Variants in RNGTT observed in about 807,000 individuals in gnomAD.
RNGTT encodes the protein mRNA-capping enzyme.
In RNGTT, 33 loss-of-function variants were observed where a neutral mutation model predicts 79.3. The observed-to-expected ratio is 0.42, with a 90% CI of 0.32 to 0.56. The LOEUF (loss-of-function observed/expected upper bound fraction) is 0.56. RNGTT is among the 20% of genes least tolerant of loss of function. The pLI is 0.17. For synonymous variants in RNGTT, 222 were observed against 235.9 expected, an observed-to-expected ratio of 0.94 and a Z score of 0.54; for missense variants, 497 against 739.1, an observed-to-expected ratio of 0.67 and a Z score of 3.80.
chr6:88,895,386 A>T (rs1176160682), intron 6 of RNGTT, among the ~76,000 whole-genome samples: 1 of 152,162 alleles, frequency 6.6e-6, no homozygotes, highest in Non-Finnish European at 1.5e-5. Context: ...AGGAGTAAGC[A>T]ACATACCTGT....
chr6:88,629,967 G>T (rs1772786685), intron 14 of RNGTT, among the ~76,000 whole-genome samples: 1 of 152,086 alleles, frequency 6.6e-6, no homozygotes, highest in African/African-American at 2.4e-5. Context: ...CTGACTATAA[G>T]AAATCACCAT....
chr6:88,670,951 C>G (rs1437395269), intron 14 of RNGTT, among the ~76,000 whole-genome samples: 1 of 152,126 alleles, frequency 6.6e-6, no homozygotes, highest in Non-Finnish European at 1.5e-5. Context: ...TCCTGCTACA[C>G]CTTCAGGTAC....
Position 88,666,125 on chromosome 6 carries a change from G to A in RNGTT, c.1506+12228C>T, listed in dbSNP as rs190918276. 2.0e-3 allele frequency among the ~76,000 whole-genome samples: 301 copies of A among 152,218 alleles called. 4 individuals carry two copies. Among genetic ancestry groups the A allele is most frequent in the African/African-American group, 7.1e-3 (293 of 41,538 alleles). ...AAACCTCTGGTACCAAGTTACAAAG[G>A]GGGGTGACATGGAACCATTTGAATG... On this transcript the variant is annotated intron_variant, in intron 14 of 15. Coordinates refer to ENST00000369485, the MANE Select transcript of RNGTT (RefSeq NM_003800.5).
intron 13 of RNGTT, among the ~76,000 whole-genome samples, chr6:88,713,334 T>A (rs1181458580): frequency 1.3e-5 from 2 of 152,150 alleles, no homozygotes; most frequent in Admixed American, 1.3e-4. Flanking sequence ...TCTAAAACTA[T>A]GAAAAGTAGG....
At chr6:88,774,551 A>G (rs940414447) in intron 12 of RNGTT, among the ~76,000 whole-genome samples, 2 of 152,206 alleles carry the variant, frequency 1.3e-5, no homozygotes, top group Non-Finnish European at 2.9e-5. Flanking sequence ...CTTCACAAAA[A>G]TTAAAAGGTA....
chr6:88,659,948 T>A (rs891531107), intron 14 of RNGTT, among the ~76,000 whole-genome samples: 2 of 152,134 alleles, frequency 1.3e-5, no homozygotes, highest in African/African-American at 4.8e-5. Flanking sequence ...GATTAACAGC[T>A]CATTTCTCAG....
intron 11 of RNGTT, among the ~76,000 whole-genome samples, chr6:88,806,009 C>G (rs1779941382): frequency 6.6e-6 from 1 of 152,286 alleles, no homozygotes. Context: ...ACCACTACCC[C>G]TCCCCACCCA....
In RNGTT at chr6:88,825,499, C is replaced by T. The variant is rs1045419664; in HGVS notation, c.1269+18858G>A. ...AACAAAATTTTGGTAGCATTCTAAA[C>T]ATCTAATCAGAGATACTAACTTGAA... On this transcript the variant is annotated intron_variant, in intron 11 of 15. Coordinates refer to ENST00000369485, the MANE Select transcript of RNGTT (RefSeq NM_003800.5). Among the ~76,000 whole-genome samples, 10 of 152,324 alleles carry T rather than the reference C, an allele frequency of 6.6e-5. No individual in the cohort carries two copies. In the East Asian group the frequency reaches 1.5e-3, roughly 23 times the overall value.
In RNGTT at chr6:88,791,689, A is replaced by G. The variant is rs536284064; in HGVS notation, c.1338+9875T>C. Among the ~76,000 whole-genome samples the G allele has an allele frequency of 5.3e-3, 800 of 151,890 alleles. 5 individuals carry two copies. The highest frequency in any genetic ancestry group is 0.017 in the African/African-American group (704 of 41,428). Reference sequence around the variant, plus strand: ...TGAGTAGCTGGGACCACAGGCGCCCACCACCACACCCGGCTAATTTTTTGT... The same window carrying G: ...TGAGTAGCTGGGACCACAGGCGCCCGCCACCACACCCGGCTAATTTTTTGT... On this transcript the variant is annotated intron_variant, in intron 12 of 15. Transcript: ENST00000369485.
intron 12 of RNGTT, 55 bp downstream of exon 12, chr6:88,801,509 T>A (rs1187842665): frequency 7.4e-7 from 1 of 1,355,378 alleles, no homozygotes; most frequent in African/African-American, 1.4e-5. Flanking sequence ...TATATCTGTG[T>A]ACACACACAC....
intron 12 of RNGTT, among the ~76,000 whole-genome samples, chr6:88,771,544 T>A (rs374129857): frequency 1.3e-5 from 2 of 151,850 alleles, no homozygotes; most frequent in East Asian, 1.9e-4. Flanking sequence ...CATTTCCACA[T>A]ACATTTTAAA....
chr6:88,677,166 C>T (rs553800524), intron 14 of RNGTT, among the ~76,000 whole-genome samples: 10 of 151,158 alleles, frequency 6.6e-5, no homozygotes, highest in Admixed American at 1.3e-4. Context: ...GCTGAGTGAA[C>T]GAAGGCAAAA....
intron 13 of RNGTT, among the ~76,000 whole-genome samples, chr6:88,760,891 C>A (rs1196895527): frequency 1.4e-5 from 2 of 148,006 alleles, no homozygotes; most frequent in African/African-American, 5.0e-5. Context: ...TTTTTTTTCC[C>A]AGAGATGAGA....
At chr6:88,734,083 A>G (rs988373063) in intron 13 of RNGTT, among the ~76,000 whole-genome samples, 5 of 152,162 alleles carry the variant, frequency 3.3e-5, no homozygotes, top group African/African-American at 1.2e-4. Context: ...GTCAGAAGTA[A>G]ATAACTGTCT....
chr6:88,698,278 AT>A (rs1378485060), intron 13 of RNGTT, among the ~76,000 whole-genome samples: 2 of 120,756 alleles, frequency 1.7e-5, no homozygotes, highest in Admixed American at 8.8e-5. Context: ...TGATATATAT[AT>A]TTCATATATA....
At chr6:88,759,416 C>T (rs145451442) in intron 13 of RNGTT, among the ~76,000 whole-genome samples, 5 of 152,234 alleles carry the variant, frequency 3.3e-5, no homozygotes, top group South Asian at 4.2e-4. Flanking sequence ...CCAAAATCTT[C>T]GTGCTGGATA....
At chr6:88,800,706 C>G (rs1323206325) in intron 12 of RNGTT, among the ~76,000 whole-genome samples, 1 of 152,224 alleles carries the variant, frequency 6.6e-6, no homozygotes, top group East Asian at 1.9e-4. Context: ...TGAGCTGCAT[C>G]TGTGAAACTT....
chr6:88,637,044 C>A (rs1421603877), intron 14 of RNGTT, among the ~76,000 whole-genome samples: 2 of 152,072 alleles, frequency 1.3e-5, no homozygotes, highest in East Asian at 3.8e-4. Flanking sequence ...GCACAGTGCT[C>A]AGAATCTGCC....
At chr6:88,791,761 G>A (rs376340471) in intron 12 of RNGTT, among the ~76,000 whole-genome samples, 1 of 151,926 alleles carries the variant, frequency 6.6e-6, no homozygotes, top group Non-Finnish European at 1.5e-5. Flanking sequence ...GGATGGTCTC[G>A]ATCTCCTGAC....
Sources: allele counts gnomAD v4.1 joint callset (sites outside exome capture counted in the v4.1 genomes callset), GRCh38; gene constraint gnomAD v4.1.1; transcripts MANE v1.5; gene names NCBI Gene and HGNC (gene_info 2026-07-23, HGNC 2026-07-21).